BPIFB3: variants seen among roughly 807,000 people sequenced by gnomAD.
The protein encoded by BPIFB3 is BPI fold containing family B member 3.
In BPIFB3, 49 loss-of-function variants were observed where a neutral mutation model predicts 53.1. The observed-to-expected ratio is 0.92, with a 90% CI of 0.73 to 1.17. The LOEUF (loss-of-function observed/expected upper bound fraction) is 1.17, where lower values mean the gene tolerates loss of function less well. Among genes scored for constraint, BPIFB3 ranks in the 50% most tolerant of loss-of-function variants. The pLI is 0.00. For missense variants in BPIFB3, 628 were observed against 592.5 expected, an observed-to-expected ratio of 1.06 and a Z score of -0.62; for synonymous variants, 271 against 269.6, an observed-to-expected ratio of 1.01 and a Z score of -0.05.
chr20:33,072,116 G>A (rs149106895), exon 13 of BPIFB3: 14 of 1,614,226 alleles, frequency 8.7e-6, no homozygotes, highest in Non-Finnish European at 1.1e-5. Context: ...ATCGCGTTTA[G>A]AAGAATGGCT....
At chr20:33,069,926 C>A in exon 11 of BPIFB3, 1 of 1,614,224 alleles carries the variant, frequency 6.2e-7, no homozygotes, top group Non-Finnish European at 8.5e-7. Context: ...CCTCGGCTAC[C>A]AAGCTGCACA....
chr20:33,072,924 A>G, intron 14 of BPIFB3, 131 bp downstream of exon 15: 1 of 796,864 alleles, frequency 1.3e-6, no homozygotes, highest in Non-Finnish European at 2.0e-6. Context: ...TAAATTTCTC[A>G]GTGAGTTACA....
At chr20:33,070,140 G>A (rs1028676539) in intron 11 of BPIFB3, among the ~76,000 whole-genome samples, 185 bp downstream of exon 12, 1 of 152,150 alleles carries the variant, frequency 6.6e-6, no homozygotes, top group Non-Finnish European at 1.5e-5. Context: ...ACAAGGAATC[G>A]GGGGCTCAGA....
upstream of BPIFB3, chr20:33,055,316 G>C: frequency 6.6e-7 from 1 of 1,508,722 alleles, no homozygotes; most frequent in Non-Finnish European, 9.0e-7. Flanking sequence ...GCTCAATTTG[G>C]GCTGTGCCAG....
intron 2 of BPIFB3, among the ~76,000 whole-genome samples, chr20:33,058,011 C>T (rs766922791): frequency 7.9e-5 from 12 of 152,114 alleles, no homozygotes; most frequent in Non-Finnish European, 1.0e-4. Flanking sequence ...GATAGAGGCT[C>T]CTGGCAGTGA....
exon 8 of BPIFB3, chr20:33,064,753 T>C (rs1568994879): frequency 3.7e-6 from 6 of 1,613,984 alleles, no homozygotes; most frequent in Non-Finnish European, 5.1e-6. Context: ...GGACCACACA[T>C]CCCAGGTGAT....
chr20:33,072,139 C>G, exon 13 of BPIFB3: 2 of 1,614,146 alleles, frequency 1.2e-6, no homozygotes, highest in African/African-American at 1.3e-5. Context: ...GCCATGTGGT[C>G]GGGGCAGTGT....
intron 8 of BPIFB3, 146 bp downstream of exon 9, chr20:33,064,991 A>G (rs747398305): frequency 7.9e-6 from 7 of 886,236 alleles, no homozygotes; most frequent in Non-Finnish European, 1.2e-5. Context: ...GAGTGTGTAC[A>G]CTGCTGTTCT....
intron 2 of BPIFB3, 142 bp from the exon 4 acceptor site, chr20:33,059,236 G>C (rs1406607760): frequency 3.2e-6 from 2 of 620,192 alleles, no homozygotes; most frequent in East Asian, 2.8e-5. Context: ...TAGGCCCAGA[G>C]AGATGAAGTG....
At chr20:33,058,233 C>T (rs1005515056) in intron 2 of BPIFB3, among the ~76,000 whole-genome samples, 4 of 152,118 alleles carry the variant, frequency 2.6e-5, no homozygotes, top group Admixed American at 6.6e-5. Context: ...GTACTGGGAG[C>T]GGAAAGAAGG....
At chr20:33,069,021 G>A in intron 10 of BPIFB3, 48 bp downstream of exon 11, 3 of 1,584,326 alleles carry the variant, frequency 1.9e-6, no homozygotes, top group Non-Finnish European at 2.6e-6. Flanking sequence ...GGTTCCAAAT[G>A]GGGGTGACTG....
exon 2 of BPIFB3, chr20:33,056,595 G>C (rs138897849): frequency 2.5e-6 from 4 of 1,614,044 alleles, no homozygotes; most frequent in Non-Finnish European, 3.4e-6. Flanking sequence ...GCTGGGATCG[G>C]TCACAGCTGT....
chr20:33,068,402 C>T (rs1980750504), intron 9 of BPIFB3, among the ~76,000 whole-genome samples: 1 of 152,194 alleles, frequency 6.6e-6, no homozygotes, highest in South Asian at 2.1e-4. Context: ...GCAGAGGGAG[C>T]AGCAAGTGCA....
At chr20:33,072,316 AT>A in intron 13 of BPIFB3, 149 bp downstream of exon 14, 1 of 862,278 alleles carries the variant, frequency 1.2e-6, no homozygotes. Flanking sequence ...TGAGGCACCA[AT>A]TTTTCCATTT....
rs768339727 is a variant in BPIFB3 at position 33,059,490 on chromosome 20, T to C, written c.386+8T>C. On this transcript the variant is annotated splice_region_variant and intron_variant, in intron 3 of 14. Coordinates refer to ENST00000375494, the Ensembl canonical transcript of BPIFB3. ...GGGCATGCATTGCTCTGGGTGAGTGTGTCCTGGGGACCTCTACCCTCCTGC... is the reference window on the plus strand; with the variant it reads ...GGGCATGCATTGCTCTGGGTGAGTGCGTCCTGGGGACCTCTACCCTCCTGC... The C allele has an allele frequency of 6.2e-7, 1 of 1,600,012 alleles. No individual in the cohort carries two copies. Among genetic ancestry groups the C allele is most frequent in the Non-Finnish European group, 8.5e-7 (1 of 1,171,060 alleles).
chr20:33,063,582 C>T (rs1391854131), intron 5 of BPIFB3, 33 bp from the exon 7 acceptor site: 2 of 1,608,194 alleles, frequency 1.2e-6, no homozygotes, highest in Admixed American at 3.4e-5. Context: ...GTGAGCTCTT[C>T]TTTGCCCTGT....
chr20:33,066,816 G>A lies in BPIFB3; in HGVS notation c.925-8G>A, dbSNP rs373286640. 6.2e-7 allele frequency: 1 copy of A among 1,613,954 alleles called. No individual in the cohort carries two copies. Among genetic ancestry groups the A allele is most frequent in the South Asian group, 1.1e-5 (1 of 91,080 alleles). Reference sequence around the variant, plus strand: ...GCTCACCAACCCTCTCTCCCATTGGGGGTCCAGGTTCCCAGCGATGTCCCA... The same window carrying A: ...GCTCACCAACCCTCTCTCCCATTGGAGGTCCAGGTTCCCAGCGATGTCCCA... On this transcript the variant is annotated splice_region_variant and splice_polypyrimidine_tract_variant and intron_variant, in intron 8 of 14. Coordinates refer to ENST00000375494, the Ensembl canonical transcript of BPIFB3.
At chr20:33,071,983 A>G (rs1405936146) in intron 12 of BPIFB3, 121 bp from the exon 14 acceptor site, 3 of 977,592 alleles carry the variant, frequency 3.1e-6, no homozygotes, top group East Asian at 5.1e-5. Context: ...CTGTGTCCTC[A>G]GGCTTGGGGG....
At chr20:33,055,514 C>T (rs1980158892) in exon 1 of BPIFB3, 13 of 1,613,604 alleles carry the variant, frequency 8.1e-6, no homozygotes, top group Admixed American at 1.7e-5. Flanking sequence ...GGTGGGCACG[C>T]TCGCTCGGAT....
Sources: allele counts gnomAD v4.1 joint callset (sites outside exome capture counted in the v4.1 genomes callset), GRCh38; gene constraint gnomAD v4.1.1; transcripts MANE v1.5; gene names NCBI Gene and HGNC (gene_info 2026-07-23, HGNC 2026-07-21).